The following CD2 variants were observed in gnomAD, a reference collection of about 807,000 sequenced individuals.
CD2 encodes T-cell surface antigen CD2.
Under a neutral mutation model 23.2 loss-of-function variants are expected in CD2, and 18 were observed. The ratio of observed to expected loss-of-function variants is 0.77; its 90% CI spans 0.54 to 1.15. The LOEUF is 1.15. CD2 is among the 50% of genes most tolerant of loss of function. The probability of loss-of-function intolerance (pLI) is 0.00; values close to 1 mark genes in which losing one functional copy is unlikely to be tolerated. For missense variants in CD2, 424 were observed against 423.1 expected, an observed-to-expected ratio of 1.00 and a Z score of -0.02; for synonymous variants, 162 against 151.9, an observed-to-expected ratio of 1.07 and a Z score of -0.49.
At chr1:116,767,007 C>T (rs1456590221) in intron 4 of CD2, among the ~76,000 whole-genome samples, 1 of 152,224 alleles carries the variant, frequency 6.6e-6, no homozygotes, top group African/African-American at 2.4e-5. Flanking sequence ...AGAGCCCTCT[C>T]CACAGTCTAC....
chr1:116,755,059 G>C (rs1387738027), intron 2 of CD2, 108 bp downstream of exon 2: 8 of 745,274 alleles, frequency 1.1e-5, no homozygotes, highest in Admixed American at 2.9e-5. Context: ...CTCCAGGGGG[G>C]CTATACAGGA....
At chr1:116,761,484 C>G (rs1652051963) in intron 3 of CD2, among the ~76,000 whole-genome samples, 1 of 152,182 alleles carries the variant, frequency 6.6e-6, no homozygotes, top group African/African-American at 2.4e-5. Flanking sequence ...GGCCGTTGGG[C>G]TGCCTCACAA....
intron 4 of CD2, among the ~76,000 whole-genome samples, chr1:116,765,397 T>C (rs563306930): frequency 6.6e-6 from 1 of 152,316 alleles, no homozygotes; most frequent in South Asian, 2.1e-4. Context: ...CCACACCAGC[T>C]GCTTCCAGTG....
Position 116,763,391 on chromosome 1 carries a change from G to A in CD2, c.614-1093G>A, listed in dbSNP as rs553623105. On this transcript the variant is annotated intron_variant, in intron 3 of 4. Transcript: ENST00000369478. ...AGAAGCATTTCTTTTGTGATGCTGG[G>A]CCAAGTTCCAGTTTGTTCTTCAGAT... 9.9e-5 allele frequency among the ~76,000 whole-genome samples: 15 copies of A among 152,244 alleles called. No individual in the cohort carries two copies. In the East Asian group the frequency reaches 1.5e-3, roughly 16 times the overall value.
At position 116,768,661 on chromosome 1, in the gene CD2, C is replaced by A. The variant is rs747590344; in HGVS notation, c.934C>A (p.Pro312Thr). The A allele has an allele frequency of 8.1e-6, 13 of 1,614,162 alleles. No homozygotes were observed. The highest frequency in any genetic ancestry group is 9.3e-6 in the Non-Finnish European group (11 of 1,180,030). The change falls in exon 5 of 5, where the codon CCT (proline) becomes ACT (threonine). Residue 312 changes from proline to threonine, a missense_variant. Pro to Thr is a conservative substitution (Grantham distance 38). Transcript: ENST00000369478. ...TGTTCAGCACCAGCCTCAGAAGAGG[C>A]CTCCTGCTCCGTCGGGCACACAAGT... ...HRVQHQPQKR[P>T]PAPSGTQVHQ... is the part of the protein sequence containing the mutation.
intron 4 of CD2, among the ~76,000 whole-genome samples, chr1:116,767,750 C>G (rs1387906321): frequency 6.6e-6 from 1 of 152,128 alleles, no homozygotes; most frequent in Non-Finnish European, 1.5e-5. Flanking sequence ...GTGCTCCAGG[C>G]CTCTAGCAGC....
intron 2 of CD2, among the ~76,000 whole-genome samples, chr1:116,756,591 C>G (rs1315400110): frequency 6.6e-6 from 1 of 151,942 alleles, no homozygotes; most frequent in Non-Finnish European, 1.5e-5. Context: ...TTCCAAGCAG[C>G]TTCATTGAGA....
chr1:116,755,731 C>T (rs1218150011), intron 2 of CD2, among the ~76,000 whole-genome samples: 2 of 151,932 alleles, frequency 1.3e-5, no homozygotes, highest in Non-Finnish European at 2.9e-5. Context: ...CTGGCCTAGA[C>T]CAAAGGGTGC....
chr1:116,760,941 C>G (rs928055298), intron 3 of CD2, among the ~76,000 whole-genome samples: 2 of 152,112 alleles, frequency 1.3e-5, no homozygotes, highest in African/African-American at 4.8e-5. Context: ...CATGCAAAGC[C>G]CCATTTTCCA....
chr1:116,768,676 G>T lies in CD2; in HGVS notation c.949G>T (p.Gly317Cys), dbSNP rs1364085994. 1.2e-6 allele frequency: 2 copies of T among 1,614,074 alleles called. No homozygotes were observed. The highest frequency in any genetic ancestry group is 1.7e-6 in the Non-Finnish European group (2 of 1,180,036). Residue 317 changes from glycine to cysteine, a missense_variant, in exon 5 of 5, where the codon GGC becomes TGC. Transcript: ENST00000369478. Reference protein sequence around the residue: ...QPQKRPPAPSGTQVHQQKGPP... With the variant: ...QPQKRPPAPSCTQVHQQKGPP... ...TCAGAAGAGGCCTCCTGCTCCGTCGGGCACACAAGTTCACCAGCAGAAAGG... is the reference window on the plus strand; with the variant it reads ...TCAGAAGAGGCCTCCTGCTCCGTCGTGCACACAAGTTCACCAGCAGAAAGG...
chr1:116,764,618 CT>C lies in CD2; in HGVS notation c.736+13del, dbSNP rs748965462. The stretch of plus-strand genomic sequence containing the variant: ...GAGTCGGAGAAATGGTAAGCTCCCC[CT>C]CTTTTGTCCCACCGCAGGCCCCAGC... On this transcript the variant is annotated intron_variant, in intron 4 of 4. Transcript: ENST00000369478. 3 of 1,610,502 alleles carry C rather than the reference CT, an allele frequency of 1.9e-6. No individual in the cohort carries two copies. Among genetic ancestry groups the C allele is most frequent in the East Asian group, 4.5e-5 (2 of 44,860 alleles).
intron 4 of CD2, among the ~76,000 whole-genome samples, chr1:116,765,196 C>T (rs1430145988): frequency 4.6e-5 from 7 of 152,146 alleles, no homozygotes; most frequent in Non-Finnish European, 8.8e-5. Context: ...AGTGGGGAGC[C>T]GGCTTAGGGA....
chr1:116,765,263 TG>T (rs1284454051), intron 4 of CD2, among the ~76,000 whole-genome samples: 1 of 152,094 alleles, frequency 6.6e-6, no homozygotes, highest in Non-Finnish European at 1.5e-5. Context: ...GGGGTCACTG[TG>T]GGGGGCACAG....
chr1:116,761,250 A>G (rs1188369833), intron 3 of CD2, among the ~76,000 whole-genome samples: 2 of 152,236 alleles, frequency 1.3e-5, no homozygotes, highest in East Asian at 3.9e-4. Context: ...TGTGACCTCC[A>G]GAAGTATTTC....
intron 2 of CD2, among the ~76,000 whole-genome samples, chr1:116,757,254 C>T (rs1159844741): frequency 6.6e-6 from 1 of 152,120 alleles, no homozygotes; most frequent in Middle Eastern, 3.2e-3. Flanking sequence ...GCATCGGCCT[C>T]CCAAAGTGCT....
chr1:116,758,272 G>A (rs1157449317), intron 2 of CD2, among the ~76,000 whole-genome samples: 1 of 152,056 alleles, frequency 6.6e-6, no homozygotes, highest in African/African-American at 2.4e-5. Flanking sequence ...GATAAGAAGG[G>A]AAAAGAGGAA....
intron 2 of CD2, among the ~76,000 whole-genome samples, chr1:116,755,440 C>G (rs551520473): frequency 6.6e-6 from 1 of 152,200 alleles, no homozygotes; most frequent in East Asian, 1.9e-4. Context: ...ATGAACAGCC[C>G]TTATTTTGGA....
chr1:116,766,392 T>C (rs1480497642), intron 4 of CD2, among the ~76,000 whole-genome samples: 1 of 152,244 alleles, frequency 6.6e-6, no homozygotes, highest in Non-Finnish European at 1.5e-5. Flanking sequence ...TGTGCCTCTG[T>C]CTACACTTTC....
chr1:116,765,253 G>C (rs909516038), intron 4 of CD2, among the ~76,000 whole-genome samples: 1 of 152,180 alleles, frequency 6.6e-6, no homozygotes, highest in South Asian at 2.1e-4. Flanking sequence ...TGGCCAACCC[G>C]GGGTCACTGT....
Sources: gnomAD v4.1 joint callset for allele counts (sites outside exome capture counted in the v4.1 genomes callset) on GRCh38, gnomAD v4.1.1 for gene constraint, MANE v1.5 for transcripts, NCBI Gene and HGNC (gene_info 2026-07-23, HGNC 2026-07-21) for gene names.